Variants in GRAMD2B observed in about 807,000 individuals in gnomAD.
The protein encoded by GRAMD2B is GRAM domain containing 2B.
In GRAMD2B, 41 loss-of-function variants were observed where a neutral mutation model predicts 59.2. The observed-to-expected ratio is 0.69, with a 90% CI of 0.54 to 0.90. The LOEUF (loss-of-function observed/expected upper bound fraction) is 0.90. Among genes scored for constraint, GRAMD2B ranks in the 40% least tolerant of loss-of-function variants. The probability of loss-of-function intolerance (pLI) is 0.00; values close to 1 mark genes in which losing one functional copy is unlikely to be tolerated. For synonymous variants in GRAMD2B, 161 were observed against 182.7 expected, an observed-to-expected ratio of 0.88 and a Z score of 0.96; for missense variants, 424 against 500.5, an observed-to-expected ratio of 0.85 and a Z score of 1.46.
At chr5:126,448,813 G>T (rs1013358458) in intron 1 of GRAMD2B, among the ~76,000 whole-genome samples, 2 of 152,352 alleles carry the variant, frequency 1.3e-5, no homozygotes, top group East Asian at 3.9e-4. Flanking sequence ...GATTGGAGTT[G>T]TGTGGGCCCT....
intron 1 of GRAMD2B, among the ~76,000 whole-genome samples, chr5:126,450,597 T>A (rs1175619836): frequency 6.8e-6 from 1 of 147,866 alleles, no homozygotes; most frequent in East Asian, 2.0e-4. Context: ...CTTCATTCAT[T>A]CTCTGTCCTA....
chr5:126,437,294 G>A (rs543150316), intron 1 of GRAMD2B, among the ~76,000 whole-genome samples: 4 of 152,326 alleles, frequency 2.6e-5, no homozygotes, highest in African/African-American at 4.8e-5. Context: ...AATAAAATTG[G>A]AAGGACCAGG....
intron 1 of GRAMD2B, among the ~76,000 whole-genome samples, chr5:126,430,651 C>G (rs534396465): frequency 9.2e-5 from 14 of 152,002 alleles, no homozygotes; most frequent in Non-Finnish European, 1.8e-4. Flanking sequence ...AGATCTTTTA[C>G]TAAGCCTTTT....
At chr5:126,379,973 G>A (rs767780622) in intron 1 of GRAMD2B, among the ~76,000 whole-genome samples, 11 of 152,098 alleles carry the variant, frequency 7.2e-5, no homozygotes, top group Non-Finnish European at 1.2e-4. Context: ...TAGTCATGAA[G>A]CCTTTGCCTA....
At chr5:126,453,414 A>T (rs781125382) in intron 1 of GRAMD2B, among the ~76,000 whole-genome samples, 6 of 152,058 alleles carry the variant, frequency 3.9e-5, no homozygotes, top group Non-Finnish European at 7.4e-5. Context: ...CCCTGCCCCT[A>T]AAAAGGTTAT....
chr5:126,439,855 G>A (rs1047966574), intron 1 of GRAMD2B, among the ~76,000 whole-genome samples: 6 of 152,066 alleles, frequency 3.9e-5, no homozygotes, highest in Non-Finnish European at 2.9e-5. Flanking sequence ...CTGTTCTCAT[G>A]GTAGTGAATA....
intron 1 of GRAMD2B, among the ~76,000 whole-genome samples, chr5:126,450,464 T>C (rs1399139863): frequency 6.6e-6 from 1 of 152,092 alleles, no homozygotes; most frequent in Non-Finnish European, 1.5e-5. Context: ...AGATTTGAAG[T>C]GTAATTCAAG....
At chr5:126,439,699 T>A (rs1182316964) in intron 1 of GRAMD2B, among the ~76,000 whole-genome samples, 2 of 152,142 alleles carry the variant, frequency 1.3e-5, no homozygotes, top group Non-Finnish European at 2.9e-5. Flanking sequence ...GTTGACTGAT[T>A]ATCAGAAAAA....
intron 1 of GRAMD2B, among the ~76,000 whole-genome samples, chr5:126,454,504 C>A (rs1765919918): frequency 6.6e-6 from 1 of 152,140 alleles, no homozygotes. Flanking sequence ...TCTGTCTCTC[C>A]AAAATCAGAA....
intron 2 of GRAMD2B, among the ~76,000 whole-genome samples, 177 bp downstream of exon 2, chr5:126,465,722 T>C (rs540302148): frequency 6.6e-6 from 1 of 152,330 alleles, no homozygotes; most frequent in East Asian, 1.9e-4. Context: ...TTCTCCCTCC[T>C]GCCCCAGCCT....
intron 1 of GRAMD2B, among the ~76,000 whole-genome samples, chr5:126,448,942 T>G (rs1369812847): frequency 1.3e-5 from 2 of 152,240 alleles, no homozygotes; most frequent in Non-Finnish European, 2.9e-5. Context: ...GTTAGTGTGG[T>G]ATCATGGTGT....
At chr5:126,486,771 A>C in intron 11 of GRAMD2B, 102 bp from the exon 12 acceptor site, 1 of 654,690 alleles carries the variant, frequency 1.5e-6, no homozygotes, top group Non-Finnish European at 2.7e-6. Flanking sequence ...TTATTTTGGA[A>C]AATACCTTGC....
chr5:126,392,203 G>A (rs1756870726), intron 1 of GRAMD2B, among the ~76,000 whole-genome samples: 3 of 152,176 alleles, frequency 2.0e-5, no homozygotes, highest in African/African-American at 7.2e-5. Context: ...AAGGGGTTGT[G>A]TTCCCCAAGA....
intron 1 of GRAMD2B, among the ~76,000 whole-genome samples, chr5:126,440,202 G>A (rs1198792145): frequency 1.3e-5 from 2 of 152,052 alleles, no homozygotes; most frequent in Admixed American, 6.5e-5. Context: ...AAGACTTCAA[G>A]TAAAACAACA....
chr5:126,361,431 G>T (rs1225906876), intron 1 of GRAMD2B, among the ~76,000 whole-genome samples: 1 of 148,774 alleles, frequency 6.7e-6, no homozygotes, highest in Admixed American at 6.7e-5. Flanking sequence ...TTAACTGAAT[G>T]TGTTGACTAG....
chr5:126,382,351 A>G (rs1385769922), intron 1 of GRAMD2B, among the ~76,000 whole-genome samples: 2 of 152,194 alleles, frequency 1.3e-5, no homozygotes, highest in African/African-American at 4.8e-5. Context: ...GTTGTTTAAC[A>G]TAATCCCAAA....
chr5:126,412,618 C>T (rs1758910361), intron 1 of GRAMD2B, among the ~76,000 whole-genome samples: 1 of 152,002 alleles, frequency 6.6e-6, no homozygotes. Flanking sequence ...GTGATGCTGG[C>T]TTTATAGAAT....
intron 1 of GRAMD2B, among the ~76,000 whole-genome samples, chr5:126,439,766 G>C (rs577967627): frequency 1.0e-3 from 154 of 152,286 alleles, no homozygotes; most frequent in African/African-American, 3.6e-3. Flanking sequence ...CATCTTGACT[G>C]GAGCTCCCAT....
intron 5 of GRAMD2B, among the ~76,000 whole-genome samples, chr5:126,474,645 G>T (rs1770242315): frequency 6.6e-6 from 1 of 152,200 alleles, no homozygotes; most frequent in Admixed American, 6.5e-5. Context: ...GAGCAGAGCA[G>T]CAGGGACTGA....
Sources: gnomAD v4.1 joint callset for allele counts (sites outside exome capture counted in the v4.1 genomes callset) on GRCh38, gnomAD v4.1.1 for gene constraint, MANE v1.5 for transcripts, NCBI Gene and HGNC (gene_info 2026-07-23, HGNC 2026-07-21) for gene names.